The following OR1F1 variants were observed in gnomAD, a reference collection of about 807,000 sequenced individuals.
OR1F1 encodes the protein olfactory receptor 1F1.
For missense variants in OR1F1, 493 were observed against 376.3 expected, an observed-to-expected ratio of 1.31 and a Z score of -2.57; for synonymous variants, 184 against 156.7, an observed-to-expected ratio of 1.17 and a Z score of -1.30.
At chr16:3,203,514 C>G (rs1958161413), upstream of OR1F1, among the ~76,000 whole-genome samples, 1 of 152,206 alleles carries the variant, frequency 6.6e-6, no homozygotes, top group Non-Finnish European at 1.5e-5. Context: ...GCCTGTAATC[C>G]CAGCACCTTG....
chr16:3,189,945 TTTTTG>T, the OR1F1 span: 17 of 152,434 alleles, frequency 1.1e-4, no homozygotes, highest in South Asian at 1.7e-3. Flanking sequence ...TTTTTGGTGG[TTTTTG>T]TTTTGTTTTG....
chr16:3,204,983 C>T (rs1255503136), exon 1 of OR1F1: 3 of 1,614,144 alleles, frequency 1.9e-6, no homozygotes, highest in East Asian at 2.2e-5. Flanking sequence ...TCTCACCTGG[C>T]TGTGGTTCTC....
chr16:3,194,166 G>A, the OR1F1 span, among the ~76,000 whole-genome samples: 3 of 152,250 alleles, frequency 2.0e-5, no homozygotes, highest in African/African-American at 7.2e-5. Flanking sequence ...AGGATGAGAA[G>A]AGTGAAGATT....
At chr16:3,191,516 T>G in the OR1F1 span, among the ~76,000 whole-genome samples, 3 of 152,132 alleles carry the variant, frequency 2.0e-5, no homozygotes, top group Non-Finnish European at 2.9e-5. Flanking sequence ...GCTAGCTCAG[T>G]CGGTAGAGCA....
At chr16:3,191,038 T>C in the OR1F1 span, among the ~76,000 whole-genome samples, 1 of 152,142 alleles carries the variant, frequency 6.6e-6, no homozygotes, top group Non-Finnish European at 1.5e-5. Flanking sequence ...TAGGTTACAG[T>C]GCGGAGCGAC....
chr16:3,205,334 G>T (rs1958193448), downstream of OR1F1: 3 of 630,886 alleles, frequency 4.8e-6, no homozygotes, highest in South Asian at 6.7e-5. Context: ...AATTTTTTTT[G>T]AGACAGGGTC....
chr16:3,196,602 G>A, the OR1F1 span, among the ~76,000 whole-genome samples: 1 of 151,918 alleles, frequency 6.6e-6, no homozygotes, highest in African/African-American at 2.4e-5. Flanking sequence ...TGCCCAGGCT[G>A]GTCTTGAACT....
the OR1F1 span, among the ~76,000 whole-genome samples, chr16:3,193,561 C>T: frequency 1.3e-5 from 2 of 152,182 alleles, no homozygotes; most frequent in East Asian, 3.9e-4. Context: ...GCGTCCCCGG[C>T]GACCCGAATG....
At chr16:3,191,600 A>T in the OR1F1 span, among the ~76,000 whole-genome samples, 1 of 151,768 alleles carries the variant, frequency 6.6e-6, no homozygotes, top group Admixed American at 6.6e-5. Context: ...GCTACCTTGG[A>T]GTTCTGGAAA....
At chr16:3,198,101 GA>G in the OR1F1 span, among the ~76,000 whole-genome samples, 1 of 144,388 alleles carries the variant, frequency 6.9e-6, no homozygotes, top group Non-Finnish European at 1.6e-5. Context: ...GGGAGAGGGA[GA>G]AGGAGAGGGA....
the OR1F1 span, among the ~76,000 whole-genome samples, chr16:3,196,834 T>C: frequency 1.3e-5 from 2 of 151,924 alleles, no homozygotes; most frequent in African/African-American, 4.8e-5. Context: ...TAGCTGGGAT[T>C]ACTGGCGCCA....
chr16:3,193,350 C>T, the OR1F1 span, among the ~76,000 whole-genome samples: 3 of 152,250 alleles, frequency 2.0e-5, no homozygotes, highest in Admixed American at 2.0e-4. Context: ...CCGAGACCCT[C>T]CGTTGCTCTC....
At chr16:3,201,641 G>T (rs1043767709), upstream of OR1F1, among the ~76,000 whole-genome samples, 1 of 152,190 alleles carries the variant, frequency 6.6e-6, no homozygotes, top group African/African-American at 2.4e-5. Context: ...GTTCTTCCAT[G>T]CAGAATGGTT....
At chr16:3,194,632 A>T in the OR1F1 span, among the ~76,000 whole-genome samples, 1 of 152,218 alleles carries the variant, frequency 6.6e-6, no homozygotes, top group African/African-American at 2.4e-5. Context: ...CACTCGGGCC[A>T]GAGGAGAGGA....
chr16:3,205,076 T>A lies in OR1F1; in HGVS notation c.830T>A (p.Leu277Ter), dbSNP rs1567207478. 1.2e-6 allele frequency: 2 copies of A among 1,611,780 alleles called. No individual in the cohort carries two copies. Among genetic ancestry groups the A allele is most frequent in the Non-Finnish European group, 1.7e-6 (2 of 1,177,850 alleles). Reference sequence around the variant, plus strand: ...GAGAAAGACACTATGGCTACTGTGTTGTATACAGTAGTGACTCCCATGCTA... The same window carrying A: ...GAGAAAGACACTATGGCTACTGTGTAGTATACAGTAGTGACTCCCATGCTA... The change falls in exon 1 of 1, where the codon TTG becomes TAG. Residue 277 changes from leucine (L) to a stop codon, truncating the protein, a stop_gained. Transcript: ENST00000304646. LOFTEE classifies it low-confidence loss of function (END_TRUNC).
At chr16:3,205,552 G>A (rs148569761), downstream of OR1F1, among the ~76,000 whole-genome samples, 71 of 151,984 alleles carry the variant, frequency 4.7e-4, no homozygotes, top group African/African-American at 1.7e-3. Flanking sequence ...GGAAGTCAGG[G>A]ACCCTGAACA....
chr16:3,200,687 T>C (rs1016127563), upstream of OR1F1, among the ~76,000 whole-genome samples: 6 of 152,314 alleles, frequency 3.9e-5, no homozygotes, highest in Admixed American at 3.3e-4. Flanking sequence ...ATGCACATGC[T>C]CTACAGAAGG....
chr16:3,198,031 A>AGGAGAGGGAGAG, the OR1F1 span, among the ~76,000 whole-genome samples: 1 of 53,206 alleles, frequency 1.9e-5, no homozygotes, highest in African/African-American at 9.8e-5. Flanking sequence ...GAGAGGGAGA[A>AGGAGAGGGAGAG]GGAGAGGGAG....
At chr16:3,193,599 T>G in the OR1F1 span, among the ~76,000 whole-genome samples, 1 of 152,000 alleles carries the variant, frequency 6.6e-6, no homozygotes, top group Non-Finnish European at 1.5e-5. Flanking sequence ...AGAACTGGGC[T>G]AAGACTATTT....
Sources: gnomAD v4.1 joint callset for allele counts (sites outside exome capture counted in the v4.1 genomes callset) on GRCh38, gnomAD v4.1.1 for gene constraint, MANE v1.5 for transcripts, NCBI Gene and HGNC (gene_info 2026-07-23, HGNC 2026-07-21) for gene names.